Variants in SGCZ observed in about 807,000 individuals in gnomAD.
The protein encoded by SGCZ is sarcoglycan zeta.
Under a neutral mutation model 41.3 loss-of-function variants are expected in SGCZ, and 40 were observed. The observed-to-expected ratio is 0.97, with a 90% CI of 0.75 to 1.26. SGCZ has a LOEUF of 1.26. SGCZ is among the 50% of genes most tolerant of loss of function. The pLI, the probability that SGCZ is intolerant of heterozygous loss-of-function variation, is 0.00. For missense variants in SGCZ, 552 were observed against 369.8 expected, an observed-to-expected ratio of 1.49 and a Z score of -4.04; for synonymous variants, 206 against 137.5, an observed-to-expected ratio of 1.50 and a Z score of -3.49.
At chr8:14,955,556 G>A (rs542065608) in intron 1 of SGCZ, among the ~76,000 whole-genome samples, 12 of 152,288 alleles carry the variant, frequency 7.9e-5, no homozygotes, top group African/African-American at 1.9e-4. Flanking sequence ...TATTGTTACC[G>A]ATACATGGTG....
chr8:14,157,489 C>T (rs996430545), intron 5 of SGCZ, among the ~76,000 whole-genome samples: 2 of 149,958 alleles, frequency 1.3e-5, no homozygotes, highest in African/African-American at 4.9e-5. Context: ...ACACAGGAGA[C>T]TTAAGTGTTT....
rs141739956 is a variant in SGCZ at position 14,525,566 on chromosome 8, T to A, written c.234+29166A>T. ...AAGATTATATATTTCTCATTTGAGA[T>A]CCCACTCTCTGCAATTTCAATTTAG... On this transcript the variant is annotated intron_variant, in intron 2 of 7. Transcript: ENST00000382080. 1.8e-3 allele frequency among the ~76,000 whole-genome samples: 275 copies of A among 152,260 alleles called. 1 individual carries two copies. The highest frequency in any genetic ancestry group is 2.6e-3 in the Non-Finnish European group (176 of 68,006).
At chr8:14,229,574 A>G (rs1806489013) in intron 4 of SGCZ, among the ~76,000 whole-genome samples, 1 of 152,042 alleles carries the variant, frequency 6.6e-6, no homozygotes, top group Admixed American at 6.6e-5. Flanking sequence ...CTATCCTTCA[A>G]GATTTGCACA....
At chr8:14,367,509 G>T (rs189836213) in intron 2 of SGCZ, among the ~76,000 whole-genome samples, 6 of 152,090 alleles carry the variant, frequency 3.9e-5, no homozygotes, top group South Asian at 4.1e-4. Flanking sequence ...CCAAAACTAG[G>T]CATGTTATAA....
At chr8:14,928,297 T>C (rs1641719259) in intron 1 of SGCZ, among the ~76,000 whole-genome samples, 1 of 152,220 alleles carries the variant, frequency 6.6e-6, no homozygotes, top group African/African-American at 2.4e-5. Flanking sequence ...GAATTTCTCA[T>C]TCATACTCAA....
chr8:15,164,283 C>G (rs1216086011), intron 1 of SGCZ, among the ~76,000 whole-genome samples: 1 of 152,178 alleles, frequency 6.6e-6, no homozygotes, highest in African/African-American at 2.4e-5. Flanking sequence ...TTTTCAACCT[C>G]AGAATCCTGA....
At chr8:14,734,760 G>A (rs188547763) in intron 1 of SGCZ, among the ~76,000 whole-genome samples, 64 of 152,018 alleles carry the variant, frequency 4.2e-4, no homozygotes, top group Non-Finnish European at 8.5e-4. Context: ...TATTTTTAAT[G>A]GTAATAAGTA....
At chr8:14,396,886 G>T (rs970499473) in intron 2 of SGCZ, among the ~76,000 whole-genome samples, 3 of 151,984 alleles carry the variant, frequency 2.0e-5, no homozygotes, top group African/African-American at 7.2e-5. Context: ...AAAGACAGAG[G>T]ACCAGATTGG....
At chr8:14,525,076 G>C (rs138019175) in intron 2 of SGCZ, among the ~76,000 whole-genome samples, 3 of 151,470 alleles carry the variant, frequency 2.0e-5, no homozygotes, top group Non-Finnish European at 4.4e-5. Context: ...ATGATAGATA[G>C]ATAGACACAT....
At chr8:14,304,813 G>T (rs1282749423) in intron 3 of SGCZ, among the ~76,000 whole-genome samples, 5 of 152,006 alleles carry the variant, frequency 3.3e-5, no homozygotes, top group Non-Finnish European at 7.4e-5. Context: ...ATCATTCAAT[G>T]GTAATTCCAG....
At chr8:14,180,996 C>T (rs1348098446) in intron 4 of SGCZ, among the ~76,000 whole-genome samples, 1 of 152,066 alleles carries the variant, frequency 6.6e-6, no homozygotes, top group Non-Finnish European at 1.5e-5. Flanking sequence ...ACCTGTAGAG[C>T]AGTCATAGAG....
intron 5 of SGCZ, among the ~76,000 whole-genome samples, chr8:14,110,000 T>G (rs1385200317): frequency 1.3e-5 from 2 of 152,216 alleles, no homozygotes; most frequent in Non-Finnish European, 2.9e-5. Context: ...ATATGGTCCT[T>G]GTTTTTAAAA....
intron 1 of SGCZ, among the ~76,000 whole-genome samples, chr8:14,945,287 C>A (rs1304350871): frequency 6.6e-6 from 1 of 152,044 alleles, no homozygotes; most frequent in Non-Finnish European, 1.5e-5. Context: ...ATCAAATTTG[C>A]ATTATGATCT....
chr8:14,225,419 A>G (rs940306864), intron 4 of SGCZ, among the ~76,000 whole-genome samples: 4 of 152,152 alleles, frequency 2.6e-5, no homozygotes, highest in African/African-American at 9.6e-5. Flanking sequence ...AGGTACCACT[A>G]TCTTTTAATA....
At chr8:14,520,931 A>G (rs1802770026) in intron 2 of SGCZ, among the ~76,000 whole-genome samples, 1 of 152,176 alleles carries the variant, frequency 6.6e-6, no homozygotes, top group Non-Finnish European at 1.5e-5. Context: ...TTAATCACTA[A>G]TCTTAGCAAT....
chr8:15,195,231 C>G (rs866167868), intron 1 of SGCZ, among the ~76,000 whole-genome samples: 4 of 152,176 alleles, frequency 2.6e-5, no homozygotes, highest in African/African-American at 7.2e-5. Flanking sequence ...TTTTCTTGGC[C>G]CAGTGTAGAA....
chr8:14,221,464 T>C (rs1415854000), intron 4 of SGCZ, among the ~76,000 whole-genome samples: 3 of 152,166 alleles, frequency 2.0e-5, no homozygotes, highest in Non-Finnish European at 4.4e-5. Context: ...CCCATAAATA[T>C]CTCTTAAGTC....
chr8:15,106,968 GTT>G (rs1236156997), intron 1 of SGCZ, among the ~76,000 whole-genome samples: 1 of 152,018 alleles, frequency 6.6e-6, no homozygotes, highest in Non-Finnish European at 1.5e-5. Flanking sequence ...TTTAAAAAGT[GTT>G]TTTCTCCATT....
At chr8:14,678,119 G>C (rs1004334153) in intron 1 of SGCZ, among the ~76,000 whole-genome samples, 5 of 152,128 alleles carry the variant, frequency 3.3e-5, no homozygotes, top group Admixed American at 3.3e-4. Context: ...ATCTAGATGA[G>C]CTTTTGTTTG....
Sources: gnomAD v4.1 joint callset for allele counts (sites outside exome capture counted in the v4.1 genomes callset) on GRCh38, gnomAD v4.1.1 for gene constraint, MANE v1.5 for transcripts, NCBI Gene and HGNC (gene_info 2026-07-23, HGNC 2026-07-21) for gene names.